Variants in ANO10 observed in about 807,000 individuals in gnomAD.
The protein encoded by ANO10 is anoctamin-10.
ANO10 carries 77 observed loss-of-function variants against 74.7 expected under a neutral mutation model. The ratio of observed to expected loss-of-function variants is 1.03; its 90% CI spans 0.86 to 1.25. The LOEUF (loss-of-function observed/expected upper bound fraction) is 1.25. Ranked by LOEUF, ANO10 falls within the 50% of genes most tolerant of loss-of-function variation. ANO10 has a pLI of 0.00. For synonymous variants in ANO10, 279 were observed against 284.9 expected (o/e 0.98, Z 0.21); for missense variants, 721 against 778.1 (o/e 0.93, Z 0.87).
chr3:43,577,324 A>C, intron 5 of ANO10, 63 bp from the exon 6 acceptor site: 10 of 1,484,222 alleles, frequency 6.7e-6, no homozygotes, highest in Non-Finnish European at 8.4e-6. Context: ...AAATCATTTC[A>C]AGTACGCTTA....
chr3:43,392,150 T>C (rs2092288527), intron 12 of ANO10, among the ~76,000 whole-genome samples: 1 of 150,966 alleles, frequency 6.6e-6, no homozygotes, highest in South Asian at 2.1e-4. Context: ...CTCAACTGAA[T>C]CTTTCTCACT....
intron 9 of ANO10, 127 bp downstream of exon 9, chr3:43,561,093 A>T: frequency 9.1e-7 from 1 of 1,101,818 alleles, no homozygotes; most frequent in Non-Finnish European, 1.4e-6. Context: ...CATGATGAGG[A>T]AACTGACTGG....
chr3:43,667,624 C>T (rs1446881809), intron 1 of ANO10, among the ~76,000 whole-genome samples: 1 of 152,072 alleles, frequency 6.6e-6, no homozygotes, highest in South Asian at 2.1e-4. Context: ...TCCCAAAGCC[C>T]ATTGTATTAT....
intron 9 of ANO10, among the ~76,000 whole-genome samples, chr3:43,558,135 A>G (rs1445983993): frequency 6.6e-6 from 1 of 152,032 alleles, no homozygotes; most frequent in Non-Finnish European, 1.5e-5. Flanking sequence ...AAAGCTGAGA[A>G]ATTTTAAAGA....
At chr3:43,410,882 G>C (rs1222752199) in intron 12 of ANO10, among the ~76,000 whole-genome samples, 1 of 151,536 alleles carries the variant, frequency 6.6e-6, no homozygotes, top group African/African-American at 2.4e-5. Flanking sequence ...TTCAGATGGA[G>C]AATATGATTC....
At chr3:43,511,358 G>A (rs1438406361) in intron 11 of ANO10, among the ~76,000 whole-genome samples, 1 of 152,012 alleles carries the variant, frequency 6.6e-6, no homozygotes, top group Non-Finnish European at 1.5e-5. Context: ...TCAGAAAAAC[G>A]TTTTAGCAAT....
At chr3:43,598,138 A>C (rs1308820465) in intron 4 of ANO10, among the ~76,000 whole-genome samples, 1 of 152,236 alleles carries the variant, frequency 6.6e-6, no homozygotes, top group African/African-American at 2.4e-5. Context: ...GCAAAATTCT[A>C]ATTTGCATAC....
chr3:43,498,732 G>A (rs1345308161), intron 11 of ANO10, among the ~76,000 whole-genome samples: 6 of 152,246 alleles, frequency 3.9e-5, no homozygotes, highest in Non-Finnish European at 5.9e-5. Flanking sequence ...TTATTCTTGC[G>A]CATCCCCAGG....
At position 43,366,924 on chromosome 3, in the gene ANO10, C is replaced by A; in HGVS notation, c.1965G>T (p.Gly655=). ...ENLKEEPMES[G]KEKAT ...TGGGCACTCAGGTTGCCTTCTCCTT[C>A]CCGCTTTCCATTGGTTCCTCCTTCA... Residue 655 remains glycine (G), a synonymous_variant, in exon 13 of 13, where the codon GGG becomes GGT. Coordinates refer to ENST00000292246, the MANE Select transcript of ANO10 (RefSeq NM_018075.5). 2 of 1,596,796 alleles carry A rather than the reference C, an allele frequency of 1.3e-6. No individual in the cohort carries two copies. Among genetic ancestry groups the A allele is most frequent in the Non-Finnish European group, 1.7e-6 (2 of 1,171,558 alleles).
intron 12 of ANO10, among the ~76,000 whole-genome samples, chr3:43,426,506 T>C (rs2092902228): frequency 6.6e-6 from 1 of 152,144 alleles, no homozygotes; most frequent in African/African-American, 2.4e-5. Flanking sequence ...AACTGATTCC[T>C]GAGGCTGTTT....
chr3:43,605,641 GCATA>G, intron 2 of ANO10, 69 bp downstream of exon 2: 2 of 1,527,508 alleles, frequency 1.3e-6, no homozygotes, highest in East Asian at 4.5e-5. Flanking sequence ...TAGTGACTGA[GCATA>G]CAGTGTGGGA....
At chr3:43,410,748 C>T (rs1396922704) in intron 12 of ANO10, among the ~76,000 whole-genome samples, 1 of 152,112 alleles carries the variant, frequency 6.6e-6, no homozygotes, top group Non-Finnish European at 1.5e-5. Context: ...TTCCAACTTA[C>T]TCAGCCTCAG....
intron 12 of ANO10, among the ~76,000 whole-genome samples, chr3:43,427,434 T>C (rs1383243545): frequency 2.0e-5 from 3 of 152,244 alleles, no homozygotes; most frequent in African/African-American, 7.2e-5. Flanking sequence ...TGCACAACCC[T>C]ATTTAAGGAC....
chr3:43,425,765 C>T (rs2092890845), intron 12 of ANO10, among the ~76,000 whole-genome samples: 1 of 152,096 alleles, frequency 6.6e-6, no homozygotes, highest in Non-Finnish European at 1.5e-5. Context: ...AATATTTTAC[C>T]CCACAATATA....
At chr3:43,440,825 C>T (rs1159050175) in intron 11 of ANO10, among the ~76,000 whole-genome samples, 1 of 152,002 alleles carries the variant, frequency 6.6e-6, no homozygotes, top group Non-Finnish European at 1.5e-5. Context: ...GTAACAAATT[C>T]AAGAAGACTG....
At chr3:43,525,929 C>T (rs1559649537) in intron 11 of ANO10, among the ~76,000 whole-genome samples, 1 of 152,170 alleles carries the variant, frequency 6.6e-6, no homozygotes, top group Non-Finnish European at 1.5e-5. Flanking sequence ...CTGTAGTGTA[C>T]CAACAACATC....
At position 43,366,575 on chromosome 3, in the gene ANO10, G is replaced by A. The variant is rs984240407; in HGVS notation, c.*331C>T. The A allele has an allele frequency of 2.6e-5, 11 of 427,294 alleles. No individual in the cohort carries two copies. Among genetic ancestry groups the A allele is most frequent in the African/African-American group, 4.0e-5 (2 of 49,404 alleles). The allele number at this position is 427,294 out of a possible 1,614,324, so 26.5% of individuals were successfully genotyped here. A position where few individuals can be genotyped will look rare whatever the true frequency, so the allele number is the denominator to read the frequency against. ...GTTGGGAGTGACACTGCTATGAGGGGAACGTGGAGAGCTGGTGGCTCACTC... is the reference window on the plus strand; with the variant it reads ...GTTGGGAGTGACACTGCTATGAGGGAAACGTGGAGAGCTGGTGGCTCACTC... On this transcript the variant is annotated 3_prime_UTR_variant, in exon 13 of 13. Transcript: ENST00000292246.
At chr3:43,422,949 C>T (rs1429953002) in intron 12 of ANO10, among the ~76,000 whole-genome samples, 1 of 152,138 alleles carries the variant, frequency 6.6e-6, no homozygotes, top group Admixed American at 6.6e-5. Context: ...GTCTACCCAT[C>T]AGTGATAAAA....
Position 43,580,464 on chromosome 3 carries a change from A to G in ANO10, c.481T>C (p.Leu161=). The part of the protein sequence containing the change: ...LYPGKSLLRR[L]LTSGIVIQVF... The stretch of plus-strand genomic sequence containing the variant: ...TGAATCACGATGCCAGACGTGAGCA[A>G]TCTTCTCACTGCACAGGGAAAATGT... Residue 161 remains leucine, a synonymous_variant, in exon 5 of 13, where the codon TTG becomes CTG. Coordinates refer to ENST00000292246, the MANE Select transcript of ANO10 (RefSeq NM_018075.5). 1.9e-6 allele frequency: 3 copies of G among 1,613,822 alleles called. No individual in the cohort carries two copies. Among genetic ancestry groups the G allele is most frequent in the Non-Finnish European group, 2.5e-6 (3 of 1,179,954 alleles).
Sources: gnomAD v4.1 joint callset for allele counts (sites outside exome capture counted in the v4.1 genomes callset) on GRCh38, gnomAD v4.1.1 for gene constraint, MANE v1.5 for transcripts, NCBI Gene and HGNC (gene_info 2026-07-23, HGNC 2026-07-21) for gene names.